The following AUTS2 variants were observed in gnomAD, a reference collection of about 807,000 sequenced individuals.
AUTS2 encodes autism susceptibility gene 2 protein.
In AUTS2, 17 loss-of-function variants were observed where a neutral mutation model predicts 112.4. The observed-to-expected ratio is 0.15, with a 90% confidence interval of 0.10 to 0.23. The LOEUF is 0.23. Among genes scored for constraint, AUTS2 ranks in the 10% least tolerant of loss-of-function variants. The pLI, the probability that AUTS2 is intolerant of heterozygous loss-of-function variation, is 1.00. For synonymous variants in AUTS2, 751 were observed against 702.7 expected (o/e 1.07, Z -1.09); for missense variants, 1,510 against 1,701.6 (o/e 0.89, Z 1.98).
chr7:70,237,561 C>T (rs1812391925), intron 4 of AUTS2, among the ~76,000 whole-genome samples: 2 of 152,136 alleles, frequency 1.3e-5, no homozygotes, highest in Non-Finnish European at 2.9e-5. Context: ...TTTCTAATAC[C>T]TTCAAAATAC....
intron 1 of AUTS2, among the ~76,000 whole-genome samples, chr7:69,869,484 G>A (rs1450435688): frequency 6.6e-6 from 1 of 151,322 alleles, no homozygotes; most frequent in Non-Finnish European, 1.5e-5. Flanking sequence ...TGTTTGTTAT[G>A]TATAGTCCCC....
intron 2 of AUTS2, among the ~76,000 whole-genome samples, chr7:70,106,653 A>C (rs1440166280): frequency 6.6e-6 from 1 of 152,114 alleles, no homozygotes; most frequent in Non-Finnish European, 1.5e-5. Context: ...CCAGGAGTTC[A>C]AGGCTGCAGT....
At chr7:70,203,962 TTA>T (rs1491120147) in intron 4 of AUTS2, among the ~76,000 whole-genome samples, 3 of 146,180 alleles carry the variant, frequency 2.1e-5, no homozygotes, top group Admixed American at 6.8e-5. Context: ...TTTTTAAGCC[TTA>T]AAAAAAAAAA....
At chr7:70,728,942 C>T (rs1787194824) in intron 6 of AUTS2, among the ~76,000 whole-genome samples, 1 of 152,054 alleles carries the variant, frequency 6.6e-6, no homozygotes, top group Admixed American at 6.5e-5. Context: ...AGAAATGTCT[C>T]CTCTCCTCCC....
intron 6 of AUTS2, among the ~76,000 whole-genome samples, chr7:70,700,360 A>G (rs1809384604): frequency 6.6e-6 from 1 of 152,148 alleles, no homozygotes. Flanking sequence ...GGCTTTTTCT[A>G]AGCTTTGCTT....
chr7:70,764,805 C>G lies in AUTS2; in HGVS notation c.1268C>G (p.Ser423Cys), dbSNP rs771202006. 7 of 837,780 alleles carry G rather than the reference C, an allele frequency of 8.4e-6. No homozygotes were observed. The highest frequency in any genetic ancestry group is 1.4e-5 in the Non-Finnish European group (7 of 502,200). 51.9% of individuals were successfully genotyped at this position (837,780 alleles called of 1,614,324 possible). A position where few individuals can be genotyped will look rare whatever the true frequency, so the allele number is the denominator to read the frequency against. Residue 423 changes from serine (S) to cysteine (C), a missense_variant, in exon 8 of 19, where the codon TCC becomes TGC. By Grantham distance (112) the Ser-to-Cys change is moderately radical. Transcript: ENST00000342771. The part of the protein sequence containing the change: ...AKTQPAPPHI[S>C]HHPSASPFPL... Reference sequence around the variant, plus strand: ...ACTCAGCCCGCCCCACCTCACATCTCCCACCACCCCTCTGCCTCCCCGTTC... The same window carrying G: ...ACTCAGCCCGCCCCACCTCACATCTGCCACCACCCCTCTGCCTCCCCGTTC...
At chr7:70,248,573 A>G (rs1813050870) in intron 4 of AUTS2, among the ~76,000 whole-genome samples, 1 of 152,122 alleles carries the variant, frequency 6.6e-6, no homozygotes, top group Non-Finnish European at 1.5e-5. Context: ...CTTTTTGTCT[A>G]TTTATAATTA....
chr7:70,072,637 G>A (rs1422894904), intron 2 of AUTS2, among the ~76,000 whole-genome samples: 1 of 152,196 alleles, frequency 6.6e-6, no homozygotes, highest in Non-Finnish European at 1.5e-5. Flanking sequence ...TTTATGCACA[G>A]GTTCGAATCA....
At chr7:69,904,005 G>T (rs1795063811) in intron 2 of AUTS2, among the ~76,000 whole-genome samples, 1 of 152,192 alleles carries the variant, frequency 6.6e-6, no homozygotes. Flanking sequence ...TGCTTTCTAG[G>T]AAGAAGAGGA....
intron 4 of AUTS2, among the ~76,000 whole-genome samples, chr7:70,372,230 T>C (rs1234578849): frequency 6.6e-6 from 1 of 152,270 alleles, no homozygotes; most frequent in African/African-American, 2.4e-5. Flanking sequence ...CATGTTCTGA[T>C]GCCAACCTGG....
intron 2 of AUTS2, among the ~76,000 whole-genome samples, chr7:69,970,137 T>C (rs1048023713): frequency 6.6e-6 from 1 of 152,202 alleles, no homozygotes; most frequent in African/African-American, 2.4e-5. Context: ...AAATTATTTA[T>C]GAGTTGTCTC....
intron 5 of AUTS2, among the ~76,000 whole-genome samples, chr7:70,679,601 TAA>T (rs5884794): frequency 2.6e-4 from 38 of 145,862 alleles, no homozygotes; most frequent in African/African-American, 9.3e-4. Flanking sequence ...ACTTTCATGT[TAA>T]AAAAAAAAAA....
At chr7:70,363,724 T>A (rs1792398321) in intron 4 of AUTS2, among the ~76,000 whole-genome samples, 1 of 152,194 alleles carries the variant, frequency 6.6e-6, no homozygotes, top group South Asian at 2.1e-4. Context: ...TATTCTTTTA[T>A]GCTTCTTTGA....
chr7:70,104,265 T>G (rs1478317520), intron 2 of AUTS2, among the ~76,000 whole-genome samples: 2 of 152,154 alleles, frequency 1.3e-5, no homozygotes, highest in East Asian at 1.9e-4. Context: ...CTTTTTTTTT[T>G]GGGAAAAATC....
intron 5 of AUTS2, among the ~76,000 whole-genome samples, chr7:70,470,242 A>G (rs1797327426): frequency 6.6e-6 from 1 of 152,176 alleles, no homozygotes; most frequent in Non-Finnish European, 1.5e-5. Context: ...AGCTTCCTGG[A>G]TGAACTCAGC....
chr7:70,405,227 T>C (rs1442886249), intron 4 of AUTS2, among the ~76,000 whole-genome samples: 1 of 152,202 alleles, frequency 6.6e-6, no homozygotes, highest in Non-Finnish European at 1.5e-5. Context: ...TAAAATATAG[T>C]AAACACCTCC....
chr7:70,625,181 T>A (rs1247983013), intron 5 of AUTS2, among the ~76,000 whole-genome samples: 1 of 152,118 alleles, frequency 6.6e-6, no homozygotes, highest in Non-Finnish European at 1.5e-5. Flanking sequence ...GATTCTCTTG[T>A]AGTACATTTT....
At position 70,628,143 on chromosome 7, in the gene AUTS2, A is replaced by T. The variant is rs530773706; in HGVS notation, c.691-70426A>T. 2.0e-4 allele frequency among the ~76,000 whole-genome samples: 30 copies of T among 152,310 alleles called. 1 individual carries two copies. The South Asian group carries it at 6.2e-3, about 32-fold the overall frequency. On this transcript the variant is annotated intron_variant, in intron 5 of 18. Coordinates refer to ENST00000342771, the MANE Select transcript of AUTS2 (RefSeq NM_015570.4). ...GTGGCAAAGCAATGCCTTGGAAGCCATGCGGGCAATGTTGAGAGACAGCCC... is the reference window on the plus strand; with the variant it reads ...GTGGCAAAGCAATGCCTTGGAAGCCTTGCGGGCAATGTTGAGAGACAGCCC...
At chr7:70,419,940 G>A (rs1795146914) in intron 4 of AUTS2, among the ~76,000 whole-genome samples, 1 of 152,114 alleles carries the variant, frequency 6.6e-6, no homozygotes, top group African/African-American at 2.4e-5. Context: ...GCTTTTGAAA[G>A]GAAGGATGAG....
Sources: gnomAD v4.1 joint callset for allele counts (sites outside exome capture counted in the v4.1 genomes callset) on GRCh38, gnomAD v4.1.1 for gene constraint, MANE v1.5 for transcripts, NCBI Gene and HGNC (gene_info 2026-07-23, HGNC 2026-07-21) for gene names.